SMAP2: variants seen among roughly 807,000 people sequenced by gnomAD.
SMAP2 encodes the protein stromal membrane-associated protein 2.
In SMAP2, 25 loss-of-function variants were observed where a neutral mutation model predicts 56.4. The observed-to-expected ratio is 0.44, with a 90% confidence interval of 0.32 to 0.62. The LOEUF (loss-of-function observed/expected upper bound fraction) is 0.62. Among genes scored for constraint, SMAP2 ranks in the 20% least tolerant of loss-of-function variants. SMAP2 has a pLI of 0.04. For synonymous variants in SMAP2, 157 were observed against 181.7 expected (o/e 0.86, Z 1.09); for missense variants, 388 against 545.6 (o/e 0.71, Z 2.88).
At chr1:40,381,615 G>A (rs947862705) in intron 1 of SMAP2, among the ~76,000 whole-genome samples, 5 of 152,098 alleles carry the variant, frequency 3.3e-5, no homozygotes, top group Non-Finnish European at 5.9e-5. Flanking sequence ...GAGGAGTAGA[G>A]TTTGACAGGT....
intron 9 of SMAP2, among the ~76,000 whole-genome samples, chr1:40,420,986 A>G (rs1333628766): frequency 2.0e-5 from 3 of 151,196 alleles, no homozygotes; most frequent in African/African-American, 7.3e-5. Context: ...TAAAGTGTTC[A>G]TTCTTATGAG....
At chr1:40,375,002 G>A in intron 1 of SMAP2, 5 of 985,366 alleles carry the variant, frequency 5.1e-6, no homozygotes, top group Non-Finnish European at 6.0e-6. Context: ...CTTCCATGGC[G>A]ATTACACTTC....
chr1:40,390,751 CCTTT>C (rs1644707440), intron 1 of SMAP2, among the ~76,000 whole-genome samples: 1 of 152,162 alleles, frequency 6.6e-6, no homozygotes, highest in East Asian at 1.9e-4. Context: ...TCCAGCTGAT[CCTTT>C]CTTCTGTGAA....
At chr1:40,370,726 G>A (rs1430180604), upstream of SMAP2, among the ~76,000 whole-genome samples, 2 of 115,140 alleles carry the variant, frequency 1.7e-5, no homozygotes, top group Admixed American at 9.0e-5. Context: ...GGAGGGGGGA[G>A]GGATAGCATT....
At chr1:40,347,711 T>C (rs555693570) in intron 1 of SMAP2, among the ~76,000 whole-genome samples, 1 of 152,276 alleles carries the variant, frequency 6.6e-6, no homozygotes, top group African/African-American at 2.4e-5. Flanking sequence ...TGGAGGGTAT[T>C]TTTATTGGTT....
Position 40,422,984 on chromosome 1 carries a change from T to G in SMAP2, c.*883T>G, listed in dbSNP as rs1249451463. On this transcript the variant is annotated 3_prime_UTR_variant, in exon 10 of 10. Transcript: ENST00000372718. ...TTTTTGTTTTTGTTTAGTTTTAGGTTTACAACAGAGAGGAATTAATTTATC... is the reference window on the plus strand; with the variant it reads ...TTTTTGTTTTTGTTTAGTTTTAGGTGTACAACAGAGAGGAATTAATTTATC... The G allele has an allele frequency of 6.5e-6, 1 of 152,674 alleles. No homozygotes were observed. The highest frequency in any genetic ancestry group is 1.9e-4 in the East Asian group (1 of 5,198). 9.5% of individuals were successfully genotyped at this position (152,674 alleles called of 1,614,324 possible). A position where few individuals can be genotyped will look rare whatever the true frequency, so the allele number is the denominator to read the frequency against.
chr1:40,372,698 G>A (rs768443585), upstream of SMAP2, among the ~76,000 whole-genome samples: 3 of 152,310 alleles, frequency 2.0e-5, no homozygotes, highest in Middle Eastern at 3.4e-3. Context: ...GTAAAGAAAT[G>A]GAGGAGAGGG....
rs1336012385 is a variant in SMAP2, at chr1:40,403,661, G to GTTA, written c.104-3072_104-3070dup. The GTTA allele has an allele frequency of 2.6e-5, 26 of 984,562 alleles. 1 individual carries two copies. In the Admixed American group the frequency reaches 4.9e-4, roughly 19 times the overall value. 61.0% of individuals were successfully genotyped at this position (984,562 alleles called of 1,614,324 possible). On this transcript the variant is annotated intron_variant, in intron 1 of 9. Transcript: ENST00000372718. ...ACCACATCCTTATATATAGTCCTCA[G>GTTA]TTATTGTCCCTCTGTGTTCTAGGGC...
intron 1 of SMAP2, among the ~76,000 whole-genome samples, chr1:40,350,180 C>T (rs371054637): frequency 1.3e-5 from 2 of 152,220 alleles, no homozygotes; most frequent in South Asian, 4.1e-4. Flanking sequence ...AGCATCAGTG[C>T]CAGAGACTAG....
At chr1:40,373,084 G>A (rs1644507715), upstream of SMAP2, among the ~76,000 whole-genome samples, 1 of 152,160 alleles carries the variant, frequency 6.6e-6, no homozygotes, top group Non-Finnish European at 1.5e-5. Context: ...GTAAAAGTCT[G>A]CCACAAAAAA....
At position 40,406,717 on chromosome 1, in the gene SMAP2, CT is replaced by C; in HGVS notation, c.104-18del. ...ATGTTGTAATTTGTACTTTATTGCCCTGTTCCTGACTTTCACAGGGCCGCGA... is the reference window on the plus strand; with the variant it reads ...ATGTTGTAATTTGTACTTTATTGCCCGTTCCTGACTTTCACAGGGCCGCGA... On this transcript the variant is annotated intron_variant, in intron 1 of 9. Transcript: ENST00000372718. 1 of 1,606,222 alleles carries C rather than the reference CT, an allele frequency of 6.2e-7. No homozygotes were observed. The highest frequency in any genetic ancestry group is 8.5e-7 in the Non-Finnish European group (1 of 1,174,748).
In SMAP2 at chr1:40,385,113, C is replaced by T. The variant is rs1360352842; in HGVS notation, c.103+10890C>T. Among the ~76,000 whole-genome samples the T allele has an allele frequency of 6.6e-6, 1 of 152,168 alleles. No homozygotes were observed. Among genetic ancestry groups the T allele is most frequent in the Non-Finnish European group, 1.5e-5 (1 of 68,032 alleles). On this transcript the variant is annotated intron_variant, in intron 1 of 9. Coordinates refer to ENST00000372718, the MANE Select transcript of SMAP2 (RefSeq NM_022733.3). The surrounding 1 kb of genome is among the most constrained non-coding windows in gnomAD (Gnocchi z 4.5). ...GGCCATCCGTCAGCGTAAGGTTGCTCTGGTGGTCGTCTTCAGTTTGTCCAG... is the reference window on the plus strand; with the variant it reads ...GGCCATCCGTCAGCGTAAGGTTGCTTTGGTGGTCGTCTTCAGTTTGTCCAG...
upstream of SMAP2, among the ~76,000 whole-genome samples, chr1:40,370,926 G>A (rs193160984): frequency 4.0e-3 from 611 of 151,914 alleles, 5 homozygotes; most frequent in African/African-American, 0.014. Flanking sequence ...AGTAATCCTA[G>A]TACTTTGGGA....
chr1:40,401,395 T>C (rs1348661564), intron 1 of SMAP2, among the ~76,000 whole-genome samples: 1 of 152,222 alleles, frequency 6.6e-6, no homozygotes, highest in East Asian at 1.9e-4. Flanking sequence ...GGGAAAGTTC[T>C]CTCCCTTCGC....
At chr1:40,354,825 G>A (rs1390066939) in intron 1 of SMAP2, among the ~76,000 whole-genome samples, 1 of 118,656 alleles carries the variant, frequency 8.4e-6, no homozygotes, top group African/African-American at 3.4e-5. Context: ...CACCCAGGCT[G>A]GAGTACAGTG....
intron 1 of SMAP2, among the ~76,000 whole-genome samples, chr1:40,377,215 G>A (rs1041388618): frequency 2.0e-5 from 3 of 152,218 alleles, no homozygotes; most frequent in African/African-American, 7.2e-5. Flanking sequence ...GGGCAACTGA[G>A]CCCAGGAGGT....
upstream of SMAP2, chr1:40,373,701 A>G (rs530699188): frequency 7.9e-5 from 13 of 164,056 alleles, no homozygotes; most frequent in East Asian, 2.3e-3. Flanking sequence ...GGAGGTGGGG[A>G]GGAAGAGCTG....
chr1:40,346,584 A>T (rs969566250), intron 1 of SMAP2, among the ~76,000 whole-genome samples: 4 of 151,944 alleles, frequency 2.6e-5, no homozygotes, highest in Non-Finnish European at 5.9e-5. Flanking sequence ...TGCTCAGGCT[A>T]GTCTCAAACT....
chr1:40,365,141 T>C (rs1013620140), intron 2 of SMAP2: 1 of 168,774 alleles, frequency 5.9e-6, no homozygotes, highest in African/African-American at 2.4e-5. Flanking sequence ...ATTCAAGCTT[T>C]ATATACTGAG....
Sources: allele counts gnomAD v4.1 joint callset (sites outside exome capture counted in the v4.1 genomes callset), GRCh38; gene constraint gnomAD v4.1.1; non-coding constraint Gnocchi (gnomAD v3.1); transcripts MANE v1.5; gene names NCBI Gene and HGNC (gene_info 2026-07-23, HGNC 2026-07-21).